ARHGAP10: variants seen among roughly 807,000 people sequenced by gnomAD.
ARHGAP10 encodes the protein rho GTPase-activating protein 10.
ARHGAP10 carries 87 observed loss-of-function variants against 108.6 expected under a neutral mutation model. That is an observed-to-expected ratio of 0.80 (90% CI 0.67 to 0.96). ARHGAP10 has a LOEUF of 0.96. Ranked by LOEUF, ARHGAP10 falls within the 40% of genes least tolerant of loss-of-function variation. ARHGAP10 has a pLI of 0.00. For missense variants in ARHGAP10, 939 were observed against 954.5 expected, an observed-to-expected ratio of 0.98 and a Z score of 0.21; for synonymous variants, 347 against 341.1, an observed-to-expected ratio of 1.02 and a Z score of -0.19.
At chr4:147,737,679 A>G (rs925496429) in intron 1 of ARHGAP10, among the ~76,000 whole-genome samples, 1 of 152,214 alleles carries the variant, frequency 6.6e-6, no homozygotes, top group Non-Finnish European at 1.5e-5. Flanking sequence ...GATAAGTCCA[A>G]CTGTCACTTG....
rs142593681 is a variant in ARHGAP10, at chr4:147,874,877, A to G, written c.703-144A>G. 6 of 820,834 alleles carry G rather than the reference A, an allele frequency of 7.3e-6. No homozygotes were observed. The African/African-American group carries it at 1.1e-4, about 15-fold the overall frequency. The allele number at this position is 820,834 out of a possible 1,614,324, so 50.8% of individuals were successfully genotyped here. A position where few individuals can be genotyped will look rare whatever the true frequency, so the allele number is the denominator to read the frequency against. On this transcript the variant is annotated intron_variant, in intron 7 of 22. Transcript: ENST00000336498. ...CATGAATCTCAGGAGGCACACTGGA[A>G]AGAATGGGGGTATTTTGAGAAATTT...
chr4:147,772,369 C>T (rs1017281141), intron 1 of ARHGAP10, among the ~76,000 whole-genome samples: 3 of 152,222 alleles, frequency 2.0e-5, no homozygotes, highest in Non-Finnish European at 4.4e-5. Flanking sequence ...CTCTGCCTTT[C>T]TCCTCTCTCC....
intron 1 of ARHGAP10, among the ~76,000 whole-genome samples, chr4:147,752,440 C>A (rs775782499): frequency 1.3e-5 from 2 of 151,850 alleles, no homozygotes; most frequent in East Asian, 3.8e-4. Context: ...TTGAAAAAAA[C>A]GCTATTGTTT....
chr4:147,964,950 G>T, intron 16 of ARHGAP10, 74 bp from the exon 17 acceptor site: 1 of 994,898 alleles, frequency 1.0e-6, no homozygotes, highest in South Asian at 2.1e-5. Context: ...AAATATATTT[G>T]ATTCTGAGTT....
intron 14 of ARHGAP10, among the ~76,000 whole-genome samples, chr4:147,945,592 G>T (rs1738346864): frequency 6.6e-6 from 1 of 152,072 alleles, no homozygotes; most frequent in South Asian, 2.1e-4. Context: ...TTTCTGTTTT[G>T]GTTGATCATA....
chr4:147,953,819 T>C (rs1738695206), intron 15 of ARHGAP10, among the ~76,000 whole-genome samples: 1 of 151,996 alleles, frequency 6.6e-6, no homozygotes, highest in African/African-American at 2.4e-5. Context: ...TTCTTTTTTT[T>C]CCTCATAGCT....
intron 8 of ARHGAP10, among the ~76,000 whole-genome samples, chr4:147,878,109 T>C (rs1351048003): frequency 6.6e-6 from 1 of 151,772 alleles, no homozygotes; most frequent in African/African-American, 2.4e-5. Flanking sequence ...GCTAATTTTT[T>C]TTTTTTTGGA....
intron 3 of ARHGAP10, among the ~76,000 whole-genome samples, chr4:147,833,774 T>A (rs966949565): frequency 6.6e-6 from 1 of 152,166 alleles, no homozygotes; most frequent in African/African-American, 2.4e-5. Flanking sequence ...AATGGAGTGT[T>A]TTACAGTTGG....
At chr4:147,932,840 G>T (rs1469073321) in intron 13 of ARHGAP10, among the ~76,000 whole-genome samples, 2 of 152,106 alleles carry the variant, frequency 1.3e-5, no homozygotes, top group Admixed American at 6.5e-5. Flanking sequence ...CAATAAAAAG[G>T]TAATATGGGA....
intron 13 of ARHGAP10, among the ~76,000 whole-genome samples, chr4:147,915,482 C>T (rs933900883): frequency 6.6e-6 from 1 of 152,118 alleles, no homozygotes; most frequent in African/African-American, 2.4e-5. Context: ...TTTATACATA[C>T]TTATTTCTGC....
At position 148,023,297 on chromosome 4, in the gene ARHGAP10, A is replaced by G; in HGVS notation, c.1751A>G (p.Glu584Gly). Residue 584 changes from glutamate (E) to glycine (G), a missense_variant, in exon 19 of 23, where the codon GAG (glutamate) becomes GGG (glycine). Glu to Gly is a moderately conservative substitution (Grantham distance 98). Coordinates refer to ENST00000336498, the MANE Select transcript of ARHGAP10 (RefSeq NM_024605.4). ...FRTPPDTTFP[E>G]PTCLSASPPN... ...ACGCCGCCCGATACTACATTCCCTGAGCCCACCTGCCTGTCAGCATCACCC... is the reference window on the plus strand; with the variant it reads ...ACGCCGCCCGATACTACATTCCCTGGGCCCACCTGCCTGTCAGCATCACCC... 1 of 1,614,142 alleles carries G rather than the reference A, an allele frequency of 6.2e-7. No individual in the cohort carries two copies. The highest frequency in any genetic ancestry group is 8.5e-7 in the Non-Finnish European group (1 of 1,179,990).
At chr4:147,738,589 T>C (rs868472917) in intron 1 of ARHGAP10, among the ~76,000 whole-genome samples, 1 of 152,116 alleles carries the variant, frequency 6.6e-6, no homozygotes, top group Middle Eastern at 3.4e-3. Context: ...ACCTACTATA[T>C]TGGATTAAAA....
intron 3 of ARHGAP10, among the ~76,000 whole-genome samples, chr4:147,835,637 G>A (rs930683885): frequency 3.9e-5 from 6 of 152,182 alleles, no homozygotes; most frequent in African/African-American, 1.4e-4. Context: ...GCCTCCCAAA[G>A]TGCTGGGATT....
intron 1 of ARHGAP10, among the ~76,000 whole-genome samples, chr4:147,778,845 A>G (rs1730414880): frequency 2.0e-5 from 3 of 152,236 alleles, no homozygotes; most frequent in African/African-American, 7.2e-5. Flanking sequence ...AGGCCAAAAA[A>G]TAAGAACACT....
chr4:148,031,348 A>C (rs1728142018), intron 19 of ARHGAP10, among the ~76,000 whole-genome samples: 1 of 152,200 alleles, frequency 6.6e-6, no homozygotes, highest in African/African-American at 2.4e-5. Flanking sequence ...AAGTACTGTT[A>C]TTGGCAATAT....
At chr4:147,783,013 CTATAT>C (rs1730613024) in intron 1 of ARHGAP10, among the ~76,000 whole-genome samples, 3 of 126,494 alleles carry the variant, frequency 2.4e-5, no homozygotes, top group Non-Finnish European at 5.1e-5. Flanking sequence ...AAATTATATA[CTATAT>C]GTTAAATTAT....
At chr4:147,798,989 T>C (rs1017233128) in intron 1 of ARHGAP10, among the ~76,000 whole-genome samples, 2 of 151,698 alleles carry the variant, frequency 1.3e-5, no homozygotes, top group Non-Finnish European at 2.9e-5. Flanking sequence ...AGACTAGTTA[T>C]TGATGTTTAC....
At position 148,060,344 on chromosome 4, in the gene ARHGAP10, A is replaced by ACTTTTTTTTTTTTTTTTTTTTTTT. The variant is rs1411745355; in HGVS notation, c.2028-2804_2028-2803insCTTTTTTTTTTTTTTTTTTTTTTT. On this transcript the variant is annotated intron_variant, in intron 20 of 22. Coordinates refer to ENST00000336498, the MANE Select transcript of ARHGAP10 (RefSeq NM_024605.4). ...TGGTTACATAACGAAGCTCATGTTT[A>ACTTTTTTTTTTTTTTTTTTTTTTT]GTTTTTTTTTTTTTTTTTTTTTGGC... Among the ~76,000 whole-genome samples the ACTTTTTTTTTTTTTTTTTTTTTTT allele has an allele frequency of 3.3e-5, 4 of 120,844 alleles. 2 individuals are homozygous for ACTTTTTTTTTTTTTTTTTTTTTTT. The highest frequency in any genetic ancestry group is 7.0e-5 in the Non-Finnish European group (4 of 56,894). 79.3% of individuals were successfully genotyped at this position (120,844 alleles called of 152,430 possible).
At chr4:147,885,040 A>T (rs1323977066) in intron 10 of ARHGAP10, among the ~76,000 whole-genome samples, 1 of 151,670 alleles carries the variant, frequency 6.6e-6, no homozygotes, top group Non-Finnish European at 1.5e-5. Context: ...AGTGGGGTAG[A>T]TTTCTGGGGA....
Sources: gnomAD v4.1 joint callset for allele counts (sites outside exome capture counted in the v4.1 genomes callset) on GRCh38, gnomAD v4.1.1 for gene constraint, MANE v1.5 for transcripts, NCBI Gene and HGNC (gene_info 2026-07-23, HGNC 2026-07-21) for gene names.